The following PDZRN4 variants were observed in gnomAD, a reference collection of about 807,000 sequenced individuals.
PDZRN4 encodes the protein PDZ domain-containing RING finger protein 4.
PDZRN4 carries 70 observed loss-of-function variants against 99.0 expected under a neutral mutation model. The observed-to-expected ratio is 0.71, with a 90% confidence interval of 0.58 to 0.86. The LOEUF (loss-of-function observed/expected upper bound fraction) is 0.86. Among genes scored for constraint, PDZRN4 ranks in the 40% least tolerant of loss-of-function variants. PDZRN4 has a pLI of 0.00. For missense variants in PDZRN4, 1,474 were observed against 1,331.2 expected, an observed-to-expected ratio of 1.11 and a Z score of -1.67; for synonymous variants, 551 against 501.6, an observed-to-expected ratio of 1.10 and a Z score of -1.32.
At chr12:41,479,508 C>T (rs1387662407) in intron 3 of PDZRN4, among the ~76,000 whole-genome samples, 4 of 152,074 alleles carry the variant, frequency 2.6e-5, no homozygotes, top group African/African-American at 9.7e-5. Flanking sequence ...GAAGAGTGAG[C>T]AAGAAGAAAT....
At chr12:41,398,109 A>G (rs976081514) in intron 3 of PDZRN4, among the ~76,000 whole-genome samples, 2 of 152,156 alleles carry the variant, frequency 1.3e-5, no homozygotes, top group African/African-American at 4.8e-5. Context: ...ATGTTCTGGA[A>G]ATTTTGCCTG....
chr12:41,387,841 A>G (rs1383000508), intron 3 of PDZRN4, among the ~76,000 whole-genome samples: 1 of 152,242 alleles, frequency 6.6e-6, no homozygotes, highest in African/African-American at 2.4e-5. Flanking sequence ...GGAGTAAATT[A>G]GTTAAATCAT....
chr12:41,422,261 T>A (rs571414359), intron 3 of PDZRN4, among the ~76,000 whole-genome samples: 1 of 152,292 alleles, frequency 6.6e-6, no homozygotes, highest in South Asian at 2.1e-4. Flanking sequence ...CTAACTAATA[T>A]TAGAAGAGAG....
chr12:41,503,832 C>T (rs1395874551), intron 3 of PDZRN4, among the ~76,000 whole-genome samples: 7 of 152,302 alleles, frequency 4.6e-5, no homozygotes, highest in South Asian at 4.1e-4. Context: ...ACCGTGGTCA[C>T]GAGTTTTTCA....
rs559041365 is a variant in PDZRN4, at chr12:41,259,903, GA to G, written c.843+65716del. ...TATAGAAATCGAAGTGTCAGTTACA[GA>G]TGTCTTTTTCATCTATATTTCTGAT... On this transcript the variant is annotated intron_variant, in intron 3 of 9. Transcript: ENST00000402685. Among the ~76,000 whole-genome samples the G allele has an allele frequency of 1.0e-3, 152 of 152,222 alleles. 3 individuals are homozygous for G. Among genetic ancestry groups the G allele is most frequent in the African/African-American group, 3.4e-3 (143 of 41,560 alleles).
At position 41,572,689 on chromosome 12, in the gene PDZRN4, T is replaced by C. The variant is rs761221194; in HGVS notation, c.1910T>C (p.Ile637Thr). 1.1e-5 allele frequency: 17 copies of C among 1,614,078 alleles called. No homozygotes were observed. The South Asian group carries it at 1.8e-4, about 17-fold the overall frequency. The change falls in exon 10 of 10, where the codon ATT becomes ACT. Residue 637 changes from isoleucine (I) to threonine (T), a missense_variant. Physicochemically the swap from Ile to Thr is moderately conservative, Grantham distance 89. Transcript: ENST00000402685. ...CAGCTCTTGGAGCTCAAATGCAAGA[T>C]TCGAAATCATGGAGAGTATGACCTG... ...FRQLLELKCKIRNHGEYDLYY... is the reference protein window; with the variant it reads ...FRQLLELKCKTRNHGEYDLYY...
At chr12:41,567,100 T>C (rs1173551594) in intron 8 of PDZRN4, among the ~76,000 whole-genome samples, 1 of 152,174 alleles carries the variant, frequency 6.6e-6, no homozygotes, top group Non-Finnish European at 1.5e-5. Context: ...CCCACACCAC[T>C]CCACCACCCT....
intron 5 of PDZRN4, among the ~76,000 whole-genome samples, chr12:41,520,563 T>G (rs568853196): frequency 6.6e-6 from 1 of 152,008 alleles, no homozygotes; most frequent in African/African-American, 2.4e-5. Context: ...GATCATATTT[T>G]TGTAGTTTAA....
Position 41,322,073 on chromosome 12 carries a change from C to T in PDZRN4, c.843+127885C>T, listed in dbSNP as rs1353299244. 2.6e-5 allele frequency among the ~76,000 whole-genome samples: 4 copies of T among 151,998 alleles called. No individual in the cohort carries two copies. The East Asian group carries it at 7.7e-4, about 29-fold the overall frequency. On this transcript the variant is annotated intron_variant, in intron 3 of 9. Coordinates refer to ENST00000402685, the MANE Select transcript of PDZRN4 (RefSeq NM_001164595.2). ...TTTTTGAGACAGTCTTGCTCTTCAC[C>T]CAGGCTGCAGTGCAATGGCATGATT...
intron 3 of PDZRN4, among the ~76,000 whole-genome samples, chr12:41,476,493 T>C (rs577446001): frequency 6.6e-6 from 1 of 152,342 alleles, no homozygotes; most frequent in Admixed American, 6.5e-5. Context: ...ACCTTTTTGT[T>C]TGATACTGCT....
chr12:41,406,858 C>CAAA (rs758320141), intron 3 of PDZRN4, among the ~76,000 whole-genome samples: 31 of 46,710 alleles, frequency 6.6e-4, no homozygotes, highest in African/African-American at 8.8e-4. Context: ...AACTCCGTCT[C>CAAA]AAAAAAAAAA....
At chr12:41,427,348 A>G (rs867369928) in intron 3 of PDZRN4, among the ~76,000 whole-genome samples, 1 of 152,202 alleles carries the variant, frequency 6.6e-6, no homozygotes, top group African/African-American at 2.4e-5. Context: ...ACTAATATTT[A>G]TTGAACACGT....
At chr12:41,511,212 C>G (rs11180971) in intron 5 of PDZRN4, among the ~76,000 whole-genome samples, 12,415 of 151,776 alleles carry the variant, frequency 0.082, 1,212 homozygotes, top group East Asian at 0.31. Context: ...TCAGTGTGCT[C>G]GGGGAGGGCA....
intron 9 of PDZRN4, among the ~76,000 whole-genome samples, chr12:41,571,372 T>TCACACA (rs1555154803): frequency 5.5e-4 from 57 of 103,648 alleles, no homozygotes; most frequent in African/African-American, 3.0e-3. Flanking sequence ...TCTCTCTCTC[T>TCACACA]CTCTCACACA....
At chr12:41,284,593 C>T (rs1031429668) in intron 3 of PDZRN4, among the ~76,000 whole-genome samples, 3 of 152,166 alleles carry the variant, frequency 2.0e-5, no homozygotes, top group African/African-American at 7.2e-5. Context: ...CATCACGCAA[C>T]CTGACTTCAA....
At chr12:41,350,387 A>G (rs1282278616) in intron 3 of PDZRN4, among the ~76,000 whole-genome samples, 2 of 152,134 alleles carry the variant, frequency 1.3e-5, no homozygotes, top group African/African-American at 4.8e-5. Flanking sequence ...AACTGTTTGT[A>G]ATTAATCTTG....
At chr12:41,341,196 T>G (rs184646096) in intron 3 of PDZRN4, among the ~76,000 whole-genome samples, 2 of 150,626 alleles carry the variant, frequency 1.3e-5, no homozygotes, top group African/African-American at 4.8e-5. Context: ...AAATTAGGTA[T>G]GGAGAATATG....
intron 5 of PDZRN4, among the ~76,000 whole-genome samples, chr12:41,518,498 A>G (rs1488411049): frequency 6.6e-6 from 1 of 152,058 alleles, no homozygotes; most frequent in African/African-American, 2.4e-5. Flanking sequence ...CTTTGTCTGC[A>G]TTTCAGAGTT....
At chr12:41,529,133 G>C (rs566697662) in intron 5 of PDZRN4, among the ~76,000 whole-genome samples, 1 of 152,184 alleles carries the variant, frequency 6.6e-6, no homozygotes, top group Non-Finnish European at 1.5e-5. Flanking sequence ...TGGGGTGCTG[G>C]ATACCAGTGG....
Sources: gnomAD v4.1 joint callset for allele counts (sites outside exome capture counted in the v4.1 genomes callset) on GRCh38, gnomAD v4.1.1 for gene constraint, MANE v1.5 for transcripts, NCBI Gene and HGNC (gene_info 2026-07-23, HGNC 2026-07-21) for gene names.